Variants in MASP1 observed in about 807,000 individuals in gnomAD.
The protein encoded by MASP1 is mannan-binding lectin serine protease 1.
In MASP1, 59 loss-of-function variants were observed where a neutral mutation model predicts 77.1. That is an observed-to-expected ratio of 0.77 (90% CI 0.62 to 0.95). The LOEUF is 0.95. Among genes scored for constraint, MASP1 ranks in the 40% least tolerant of loss-of-function variants. The probability of loss-of-function intolerance (pLI) is 0.00; values close to 1 mark genes in which losing one functional copy is unlikely to be tolerated. For synonymous variants in MASP1, 362 were observed against 354.5 expected (o/e 1.02, Z -0.24); for missense variants, 885 against 912.9 (o/e 0.97, Z 0.39).
At chr3:187,220,949 G>T in intron 15 of MASP1, 1 of 1,105,790 alleles carries the variant, frequency 9.0e-7, no homozygotes. Flanking sequence ...AGCCCACCAG[G>T]TTGGGAGGCC....
At chr3:187,220,021 T>C (rs1173447414) in exon 16 of MASP1, 3 of 1,596,152 alleles carry the variant, frequency 1.9e-6, no homozygotes, top group Non-Finnish European at 2.6e-6. Flanking sequence ...AGGATCGTCC[T>C]CTGCTACTGA....
rs1316225671 is a variant in MASP1 at position 187,235,621 on chromosome 3, G to A, written c.*63C>T. On this transcript the variant is annotated 3_prime_UTR_variant, in exon 11 of 11. Transcript: ENST00000296280. ...TATGGTCTGATAAGTAATGTGGAGTGTGCTGTCGGAAGTGCGGTGTAGCTT... is the reference window on the plus strand; with the variant it reads ...TATGGTCTGATAAGTAATGTGGAGTATGCTGTCGGAAGTGCGGTGTAGCTT... The A allele has an allele frequency of 1.9e-6, 3 of 1,606,746 alleles. No homozygotes were observed. The highest frequency in any genetic ancestry group is 1.7e-5 in the Admixed American group (1 of 59,970).
At chr3:187,243,977 C>T (rs1713872810) in intron 8 of MASP1, 1 of 310,622 alleles carries the variant, frequency 3.2e-6, no homozygotes, top group African/African-American at 2.1e-5. Flanking sequence ...TCCTCTCTGC[C>T]TCTTCTGCCC....
chr3:187,266,625 G>A (rs1716044869), intron 2 of MASP1, among the ~76,000 whole-genome samples: 1 of 152,122 alleles, frequency 6.6e-6, no homozygotes, highest in Admixed American at 6.5e-5. Context: ...AAATAGTGAA[G>A]GCCTGGGGTA....
chr3:187,227,242 A>G (rs1168439748), intron 11 of MASP1, among the ~76,000 whole-genome samples: 3 of 152,210 alleles, frequency 2.0e-5, no homozygotes, highest in Non-Finnish European at 4.4e-5. Flanking sequence ...TTATATAGGC[A>G]GGAACCCTGA....
intron 8 of MASP1, chr3:187,243,981 T>C (rs1713873282): frequency 9.8e-6 from 3 of 305,916 alleles, no homozygotes; most frequent in Admixed American, 4.3e-5. Flanking sequence ...CTCTGCCTCT[T>C]CTGCCCAAGA....
chr3:187,257,729 G>A (rs1485437156), intron 4 of MASP1, among the ~76,000 whole-genome samples: 1 of 151,554 alleles, frequency 6.6e-6, no homozygotes, highest in Non-Finnish European at 1.5e-5. Context: ...TGCGTACATG[G>A]TGAACTGCAA....
At chr3:187,220,991 C>T (rs779480688) in intron 15 of MASP1, 1 of 1,535,268 alleles carries the variant, frequency 6.5e-7, no homozygotes. Flanking sequence ...TGCACCACTC[C>T]CTGGCTGGCA....
At chr3:187,233,461 G>T (rs1167247143), downstream of MASP1, among the ~76,000 whole-genome samples, 1 of 152,100 alleles carries the variant, frequency 6.6e-6, no homozygotes, top group Non-Finnish European at 1.5e-5. Flanking sequence ...AGCCCCTCCA[G>T]CTGTATGATA....
intron 2 of MASP1, among the ~76,000 whole-genome samples, chr3:187,271,762 C>G (rs1041780856): frequency 3.3e-5 from 5 of 152,096 alleles, no homozygotes; most frequent in Non-Finnish European, 7.3e-5. Flanking sequence ...ACAAGGGGAG[C>G]ACACAGGAAG....
intron 2 of MASP1, among the ~76,000 whole-genome samples, chr3:187,285,064 A>G (rs1717736340): frequency 6.6e-6 from 1 of 152,188 alleles, no homozygotes; most frequent in South Asian, 2.1e-4. Flanking sequence ...GTCTTTTTTA[A>G]CTAGATATAA....
chr3:187,228,366 T>G (rs961085712), intron 11 of MASP1, among the ~76,000 whole-genome samples: 3 of 152,056 alleles, frequency 2.0e-5, no homozygotes, highest in African/African-American at 7.2e-5. Flanking sequence ...CTCTCTTACT[T>G]GCCCTCTAAC....
At chr3:187,227,629 C>T (rs910064361) in intron 11 of MASP1, among the ~76,000 whole-genome samples, 2 of 152,156 alleles carry the variant, frequency 1.3e-5, no homozygotes, top group Non-Finnish European at 2.9e-5. Flanking sequence ...TGAGAAGCAG[C>T]TATGTGCTCC....
At chr3:187,247,247 G>A (rs1186848809) in intron 8 of MASP1, 11 of 1,611,434 alleles carry the variant, frequency 6.8e-6, no homozygotes, top group South Asian at 1.1e-5. Context: ...GGTGTTGTGG[G>A]TGGGGAGGGG....
chr3:187,220,639 A>G (rs938355400), intron 15 of MASP1, among the ~76,000 whole-genome samples: 8 of 151,518 alleles, frequency 5.3e-5, no homozygotes, highest in Non-Finnish European at 1.0e-4. Flanking sequence ...CTGGGACTAC[A>G]GGCACCTGCC....
intron 2 of MASP1, among the ~76,000 whole-genome samples, chr3:187,276,114 GC>G (rs1054225274): frequency 1.4e-4 from 18 of 131,408 alleles, no homozygotes; most frequent in Admixed American, 1.3e-3. Context: ...CCCCAGGGTA[GC>G]CCCCCCAACA....
intron 2 of MASP1, among the ~76,000 whole-genome samples, chr3:187,284,805 A>G (rs542812553): frequency 6.6e-6 from 1 of 152,328 alleles, no homozygotes; most frequent in Non-Finnish European, 1.5e-5. Context: ...AAATGGGGTC[A>G]TGGCTCCTGT....
intron 4 of MASP1, among the ~76,000 whole-genome samples, chr3:187,259,135 A>T (rs1179251145): frequency 6.6e-6 from 1 of 152,180 alleles, no homozygotes; most frequent in Non-Finnish European, 1.5e-5. Context: ...GCTAAGGAAC[A>T]TTTATGTGTC....
At chr3:187,247,337 T>G (rs1200000027) in intron 8 of MASP1, 29 of 1,613,940 alleles carry the variant, frequency 1.8e-5, no homozygotes, top group Admixed American at 5.0e-5. Flanking sequence ...CGTCATTCAC[T>G]CTGTCACTTG....
Sources: gnomAD v4.1 joint callset for allele counts (sites outside exome capture counted in the v4.1 genomes callset) on GRCh38, gnomAD v4.1.1 for gene constraint, MANE v1.5 for transcripts, NCBI Gene and HGNC (gene_info 2026-07-23, HGNC 2026-07-21) for gene names.